The following POLR1B variants were observed in gnomAD, a reference collection of about 807,000 sequenced individuals.
POLR1B encodes the protein RNA polymerase I subunit B.
POLR1B carries 30 observed loss-of-function variants against 105.8 expected under a neutral mutation model. That is an observed-to-expected ratio of 0.28 (90% CI 0.21 to 0.38). POLR1B has a LOEUF of 0.38. POLR1B is among the 10% of genes least tolerant of loss of function. The pLI is 1.00. For synonymous variants in POLR1B, 485 were observed against 505.1 expected (o/e 0.96, Z 0.53); for missense variants, 976 against 1,435.8 (o/e 0.68, Z 5.17).
intron 9 of POLR1B, among the ~76,000 whole-genome samples, chr2:112,561,411 C>CT (rs368710567): frequency 1.1e-4 from 16 of 151,990 alleles, no homozygotes; most frequent in African/African-American, 3.4e-4. Flanking sequence ...TTCTGACACT[C>CT]TAACAAACAC....
At chr2:112,553,768 T>C (rs1489264691) in intron 7 of POLR1B, 1 of 152,252 alleles carries the variant, frequency 6.6e-6, no homozygotes, top group African/African-American at 2.4e-5. Flanking sequence ...CAGAATGTTA[T>C]GACCAGAGAC....
intron 4 of POLR1B, among the ~76,000 whole-genome samples, chr2:112,550,350 A>G (rs1683307966): frequency 6.6e-6 from 1 of 152,238 alleles, no homozygotes; most frequent in Non-Finnish European, 1.5e-5. Context: ...ACAGTTAAAC[A>G]ATTTGTCCTG....
In POLR1B at chr2:112,575,072, C is replaced by T. The variant is rs73955244; in HGVS notation, c.2751C>T (p.Pro917=). The T allele has an allele frequency of 1.0e-3, 1,667 of 1,614,128 alleles. 17 individuals are homozygous for T. In the African/African-American group the frequency reaches 0.02, roughly 20 times the overall value. Residue 917 remains proline (P), a synonymous_variant, in exon 15 of 15, where the codon CCC becomes CCT. Coordinates refer to ENST00000263331, the MANE Select transcript of POLR1B (RefSeq NM_019014.6). The surrounding 1 kb of genome is among the most constrained non-coding windows in gnomAD (Gnocchi z 5.3). ...TGGTCCCAGACATTCTGTTCAATCCCCATGGTTTTCCATCCCGCATGACCA... is the reference window on the plus strand; with the variant it reads ...TGGTCCCAGACATTCTGTTCAATCCTCATGGTTTTCCATCCCGCATGACCA... ...SGMVPDILFN[P]HGFPSRMTIG...
chr2:112,575,042 T>C lies in POLR1B; in HGVS notation c.2721T>C (p.Ser907=). The stretch of plus-strand genomic sequence containing the variant: ...CTGAGGACATGCCTTTTACTGAGAG[T>C]GGGATGGTCCCAGACATTCTGTTCA... ...WPAEDMPFTE[S]GMVPDILFNP... The change falls in exon 15 of 15, where the codon AGT becomes AGC. Residue 907 remains serine (S), a synonymous_variant. Coordinates refer to ENST00000263331, the MANE Select transcript of POLR1B (RefSeq NM_019014.6). The surrounding 1 kb of genome is among the most constrained non-coding windows in gnomAD (Gnocchi z 5.3). The C allele has an allele frequency of 4.3e-6, 7 of 1,614,038 alleles. No individual in the cohort carries two copies. The highest frequency in any genetic ancestry group is 5.9e-6 in the Non-Finnish European group (7 of 1,180,004).
At chr2:112,551,349 G>C (rs1429013572) in intron 5 of POLR1B, among the ~76,000 whole-genome samples, 1 of 152,144 alleles carries the variant, frequency 6.6e-6, no homozygotes, top group Non-Finnish European at 1.5e-5. Flanking sequence ...CTCCTCATGG[G>C]GTTGCTCTCT....
rs1252273033 is a variant in POLR1B, at chr2:112,552,823, G to T, written c.1158+7G>T. 1 of 1,572,226 alleles carries T rather than the reference G, an allele frequency of 6.4e-7. No individual in the cohort carries two copies. ...CTTCCTTATGTTCCTGAAGGTAAAT[G>T]CATGCTATGTCCACCCTTGGCCAGT... On this transcript the variant is annotated splice_region_variant and intron_variant, in intron 7 of 14. Coordinates refer to ENST00000263331, the MANE Select transcript of POLR1B (RefSeq NM_019014.6).
chr2:112,570,782 C>T (rs114004822), intron 12 of POLR1B, among the ~76,000 whole-genome samples: 25 of 128,962 alleles, frequency 1.9e-4, no homozygotes, highest in Admixed American at 8.5e-4. Context: ...TTTTTTTTTT[C>T]TTTTTTTTTT....
chr2:112,548,822 C>G (rs1036639375), intron 3 of POLR1B, among the ~76,000 whole-genome samples: 1 of 152,136 alleles, frequency 6.6e-6, no homozygotes, highest in African/African-American at 2.4e-5. Flanking sequence ...CCGTGTTAGC[C>G]AGGATGGTCT....
chr2:112,552,948 G>A lies in POLR1B; in HGVS notation c.1158+132G>A. On this transcript the variant is annotated intron_variant, in intron 7 of 14. Coordinates refer to ENST00000263331, the MANE Select transcript of POLR1B (RefSeq NM_019014.6). Reference sequence around the variant, plus strand: ...ATTTTGTGTGGTCTCTTTTTTGTTTGTTCATTTAGCAGTAAGGGGATCAGA... The same window carrying A: ...ATTTTGTGTGGTCTCTTTTTTGTTTATTCATTTAGCAGTAAGGGGATCAGA... The A allele has an allele frequency of 3.5e-6, 3 of 863,598 alleles. No individual in the cohort carries two copies. The South Asian group carries it at 1.0e-4, about 29-fold the overall frequency. The allele number at this position is 863,598 out of a possible 1,614,324, so 53.5% of individuals were successfully genotyped here. A position where few individuals can be genotyped will look rare whatever the true frequency, so the allele number is the denominator to read the frequency against.
At chr2:112,573,422 TAGTATC>T (rs1684691240) in intron 13 of POLR1B, 134 bp from the exon 14 acceptor site, 1 of 1,138,874 alleles carries the variant, frequency 8.8e-7, no homozygotes, top group African/African-American at 1.6e-5. Flanking sequence ...TTTTTGTAGT[TAGTATC>T]AGTGATTTGG....
chr2:112,575,102 G>A lies in POLR1B; in HGVS notation c.2781G>A (p.Gly927=). The A allele has an allele frequency of 6.2e-7, 1 of 1,614,196 alleles. No homozygotes were observed. Among genetic ancestry groups the A allele is most frequent in the East Asian group, 2.2e-5 (1 of 44,884 alleles). ...PHGFPSRMTI[G]MLIESMAGKS... ...GTTTTCCATCCCGCATGACCATTGG[G>A]ATGTTAATTGAGAGTATGGCCGGGA... The change falls in exon 15 of 15, where the codon GGG becomes GGA. Residue 927 remains glycine (G), a synonymous_variant. Coordinates refer to ENST00000263331, the MANE Select transcript of POLR1B (RefSeq NM_019014.6). This position sits in a 1 kb window ranked among gnomAD's most constrained non-coding sequence, Gnocchi z 5.3.
chr2:112,559,483 C>A lies in POLR1B; in HGVS notation c.1521C>A (p.Pro507=), dbSNP rs1558659453. ...CCGTGCATACCCCAGACGGGGAGCC[C>A]TGTGGCCTGATGAACCACCTAACTG... ...LCPVHTPDGE[P]CGLMNHLTAV... is the part of the protein sequence containing the mutation. The change falls in exon 9 of 15, where the codon CCC becomes CCA. Residue 507 remains proline (P), a synonymous_variant. Transcript: ENST00000263331. 2 of 1,614,228 alleles carry A rather than the reference C, an allele frequency of 1.2e-6. No individual in the cohort carries two copies. Among genetic ancestry groups the A allele is most frequent in the Admixed American group, 1.7e-5 (1 of 60,030 alleles).
chr2:112,547,566 A>C lies in POLR1B; in HGVS notation c.491A>C (p.Glu164Ala), dbSNP rs1683121984. ...CTCATTGAGCACCATGAGGAGGCAG[A>C]GGTAATGACGGGCGTCCAGGCATGA... is the stretch of plus-strand genomic sequence containing the variant. Reference protein sequence around the residue: ...QALIEHHEEAEEMGGYFIING... With the variant: ...QALIEHHEEAAEMGGYFIING... Residue 164 changes from glutamate (E) to alanine (A), a missense_variant and splice_region_variant, in exon 3 of 15, where the codon GAG becomes GCG. Transcript: ENST00000263331. 1.2e-6 allele frequency: 2 copies of C among 1,613,936 alleles called. No individual in the cohort carries two copies. The highest frequency in any genetic ancestry group is 2.7e-5 in the African/African-American group (2 of 75,028).
intron 1 of POLR1B, among the ~76,000 whole-genome samples, chr2:112,544,201 C>T (rs1382971564): frequency 3.9e-5 from 6 of 151,952 alleles, no homozygotes; most frequent in African/African-American, 1.5e-4. Flanking sequence ...GAGGTCAAGG[C>T]GGGTGGATCA....
At chr2:112,554,220 C>T (rs1204945944) in intron 7 of POLR1B, among the ~76,000 whole-genome samples, 2 of 152,056 alleles carry the variant, frequency 1.3e-5, no homozygotes, top group African/African-American at 4.8e-5. Context: ...GCAACCTCCA[C>T]CTCCCGGGTT....
Position 112,550,841 on chromosome 2 carries a change from A to T in POLR1B, c.626-25A>T, listed in dbSNP as rs149363725. ...CAATTAAGATATCAATGAGTTTCTG[A>T]TTTTTTTGTTGTTTGGTTCAATAGG... On this transcript the variant is annotated intron_variant, in intron 4 of 14. Transcript: ENST00000263331. 0.013 allele frequency: 20,495 copies of T among 1,609,814 alleles called. 310 individuals carry two copies. Among genetic ancestry groups the T allele is most frequent in the South Asian group, 0.061 (5,510 of 90,612 alleles).
At chr2:112,544,210 C>T (rs1682919574) in intron 1 of POLR1B, among the ~76,000 whole-genome samples, 1 of 151,874 alleles carries the variant, frequency 6.6e-6, no homozygotes, top group Non-Finnish European at 1.5e-5. Flanking sequence ...GCGGGTGGAT[C>T]ACTTGAGGTC....
intron 14 of POLR1B, 85 bp downstream of exon 14, chr2:112,573,900 G>C: frequency 6.7e-7 from 1 of 1,486,500 alleles, no homozygotes; most frequent in Non-Finnish European, 9.1e-7. Flanking sequence ...GGGCTGGAGT[G>C]CAGTGGAGTG....
chr2:112,548,399 A>G (rs1683172586), intron 3 of POLR1B, among the ~76,000 whole-genome samples: 1 of 152,230 alleles, frequency 6.6e-6, no homozygotes, highest in Non-Finnish European at 1.5e-5. Flanking sequence ...ATGATAACAT[A>G]GAGCACCTAC....
Sources: allele counts gnomAD v4.1 joint callset (sites outside exome capture counted in the v4.1 genomes callset), GRCh38; gene constraint gnomAD v4.1.1; non-coding constraint Gnocchi (gnomAD v3.1); transcripts MANE v1.5; gene names NCBI Gene and HGNC (gene_info 2026-07-23, HGNC 2026-07-21).